The following ATP11A variants were observed in gnomAD, a reference collection of about 807,000 sequenced individuals.
ATP11A encodes ATPase phospholipid transporting 11A.
Under a neutral mutation model 154.4 loss-of-function variants are expected in ATP11A, and 81 were observed. That is an observed-to-expected ratio of 0.52 (90% CI 0.44 to 0.63). The LOEUF (loss-of-function observed/expected upper bound fraction) is 0.63. Among genes scored for constraint, ATP11A ranks in the 30% least tolerant of loss-of-function variants. The pLI is 0.00. For synonymous variants in ATP11A, 623 were observed against 585.9 expected (o/e 1.06, Z -0.91); for missense variants, 1,316 against 1,474.3 (o/e 0.89, Z 1.76).
chr13:112,832,940 CA>C lies in ATP11A; in HGVS notation c.1477del (p.Arg493GlyfsTer34). 6.2e-7 allele frequency: 1 copy of C among 1,614,036 alleles called. No homozygotes were observed. Among genetic ancestry groups the C allele is most frequent in the Non-Finnish European group, 8.5e-7 (1 of 1,179,966 alleles). ...AAGACGATGACAGCGTAGACGGCCC[CA>C]GGAAATCGCCGGACGGGGGGAAATC... The part of the protein sequence containing the change: ...VKDDDSVDGP[R>X]KSPDGGKSCV... On this transcript the variant is annotated frameshift_variant, in exon 14 of 30. Coordinates refer to ENST00000375645, the MANE Select transcript of ATP11A (RefSeq NM_015205.3). LOFTEE classifies it high-confidence loss of function.
rs967171716 is a variant in ATP11A, at chr13:112,807,940, T to C, written c.333+1647T>C. Among the ~76,000 whole-genome samples, 5 of 152,104 alleles carry C rather than the reference T, an allele frequency of 3.3e-5. No homozygotes were observed. Among genetic ancestry groups the C allele is most frequent in the African/African-American group, 7.2e-5 (3 of 41,418 alleles). ...GGCGTAGCACTGTTCTTCAGCGTCC[T>C]CTTCTCTGCATTTGTTAAGGATTCC... On this transcript the variant is annotated intron_variant, in intron 4 of 29. Coordinates refer to ENST00000375645, the MANE Select transcript of ATP11A (RefSeq NM_015205.3). This position sits in a 1 kb window ranked among gnomAD's most constrained non-coding sequence, Gnocchi z 4.5.
intron 1 of ATP11A, among the ~76,000 whole-genome samples, chr13:112,751,261 G>A (rs1422058722): frequency 6.6e-5 from 10 of 152,288 alleles, no homozygotes; most frequent in East Asian, 5.8e-4. Context: ...AATTGCCACC[G>A]TACGTTTTTC....
intron 20 of ATP11A, chr13:112,856,409 A>G (rs72660059): frequency 0.042 from 8,081 of 193,514 alleles, 249 homozygotes; most frequent in Admixed American, 0.068. Context: ...GGTGTAAGGG[A>G]AGGGAGCTGA....
intron 1 of ATP11A, among the ~76,000 whole-genome samples, chr13:112,719,118 G>A (rs946381276): frequency 3.3e-5 from 5 of 152,136 alleles, no homozygotes; most frequent in Non-Finnish European, 4.4e-5. Context: ...ATGCCATCTT[G>A]GTGAACAGTT....
In ATP11A at chr13:112,785,225, A is replaced by G; in HGVS notation, c.130A>G (p.Arg44Gly). The G allele has an allele frequency of 1.3e-6, 2 of 1,563,822 alleles. No homozygotes were observed. The highest frequency in any genetic ancestry group is 1.2e-5 in the South Asian group (1 of 84,258). The change falls in exon 2 of 30, where the codon AGA becomes GGA. Residue 44 changes from arginine to glycine, a missense_variant. Coordinates refer to ENST00000375645, the MANE Select transcript of ATP11A (RefSeq NM_015205.3). This position sits in a 1 kb window ranked among gnomAD's most constrained non-coding sequence, Gnocchi z 4.8. Reference protein sequence around the residue: ...PPGAEAYIPQRYPDNRIVSSK... With the variant: ...PPGAEAYIPQGYPDNRIVSSK... ...GGGCGCAGAGGCCTACATCCCACAG[A>G]GATACCCAGACAACAGGATCGTCTC...
chr13:112,788,598 T>G (rs1184351219), intron 2 of ATP11A, among the ~76,000 whole-genome samples: 1 of 150,736 alleles, frequency 6.6e-6, no homozygotes, highest in Non-Finnish European at 1.5e-5. Flanking sequence ...TGTAGACCCC[T>G]GCGGAGACCT....
At chr13:112,707,833 G>T in intron 1 of ATP11A, among the ~76,000 whole-genome samples, 1 of 152,182 alleles carries the variant, frequency 6.6e-6, no homozygotes, top group South Asian at 2.1e-4. Flanking sequence ...ACTTCCCAAA[G>T]CCAAACTTGC....
chr13:112,735,353 GC>G (rs1411135370), intron 1 of ATP11A, among the ~76,000 whole-genome samples: 2 of 152,194 alleles, frequency 1.3e-5, no homozygotes, highest in Non-Finnish European at 2.9e-5. Context: ...CAGCGATATA[GC>G]CTTCCGCGTG....
rs922922331 is a variant in ATP11A, at chr13:112,776,121, C to T, written c.40-9014C>T. On this transcript the variant is annotated intron_variant, in intron 1 of 29. Transcript: ENST00000375645. ...TGCTGCTGCTTGTTCCAGTGGCTGT[C>T]GTTTGTTTCCACGGGGATTCATGTT... is the stretch of plus-strand genomic sequence containing the variant. Among the ~76,000 whole-genome samples the T allele has an allele frequency of 6.6e-5, 10 of 152,292 alleles. No individual in the cohort carries two copies. In the East Asian group the frequency reaches 1.7e-3, roughly 26 times the overall value.
chr13:112,735,862 C>T (rs1890946437), intron 1 of ATP11A, among the ~76,000 whole-genome samples: 1 of 152,230 alleles, frequency 6.6e-6, no homozygotes, highest in Admixed American at 6.5e-5. Context: ...TAAGGAGCAC[C>T]TGACTTTTCC....
In ATP11A at chr13:112,697,242, G is replaced by A. The variant is rs1885976047; in HGVS notation, c.39+6787G>A. Reference sequence around the variant, plus strand: ...CCAGGGCCACGGTGGGCTCCTAGTGGCCTTTCTTCCCTCTCCATCAACATC... The same window carrying A: ...CCAGGGCCACGGTGGGCTCCTAGTGACCTTTCTTCCCTCTCCATCAACATC... On this transcript the variant is annotated intron_variant, in intron 1 of 29. Coordinates refer to ENST00000375645, the MANE Select transcript of ATP11A (RefSeq NM_015205.3). This position sits in a 1 kb window ranked among gnomAD's most constrained non-coding sequence, Gnocchi z 4.0. Among the ~76,000 whole-genome samples the A allele has an allele frequency of 6.6e-6, 1 of 152,156 alleles. No homozygotes were observed. The highest frequency in any genetic ancestry group is 1.5e-5 in the Non-Finnish European group (1 of 68,028).
At chr13:112,879,657 G>A (rs935891359) in intron 29 of ATP11A, among the ~76,000 whole-genome samples, 6 of 152,200 alleles carry the variant, frequency 3.9e-5, no homozygotes, top group Middle Eastern at 3.2e-3. Flanking sequence ...AGACAGGGCC[G>A]GCGTCCACAC....
Position 112,781,401 on chromosome 13 carries a change from C to T in ATP11A, c.40-3734C>T, listed in dbSNP as rs373902652. Among the ~76,000 whole-genome samples, 23 of 152,236 alleles carry T rather than the reference C, an allele frequency of 1.5e-4. No homozygotes were observed. In the South Asian group the frequency reaches 3.3e-3, roughly 22 times the overall value. ...GTATGTCTGGCCCTGGATTCAAGAC[C>T]GGTGAGGTTCAGAAGTTACACGATT... is the stretch of plus-strand genomic sequence containing the variant. On this transcript the variant is annotated intron_variant, in intron 1 of 29. Coordinates refer to ENST00000375645, the MANE Select transcript of ATP11A (RefSeq NM_015205.3).
At position 112,859,267 on chromosome 13, in the gene ATP11A, G is replaced by A; in HGVS notation, c.2668-126G>A. The A allele has an allele frequency of 1.3e-6, 1 of 780,618 alleles. No individual in the cohort carries two copies. Among genetic ancestry groups the A allele is most frequent in the East Asian group, 2.4e-5 (1 of 40,986 alleles). The allele number at this position is 780,618 out of a possible 1,614,324, so 48.4% of individuals were successfully genotyped here. ...AGAGAAAGCTTTCTAGAACCCATTA[G>A]TGCTGTTCTGCCGCACGCTGGGTGC... On this transcript the variant is annotated intron_variant, in intron 22 of 29. Coordinates refer to ENST00000375645, the MANE Select transcript of ATP11A (RefSeq NM_015205.3). The surrounding 1 kb of genome is among the most constrained non-coding windows in gnomAD (Gnocchi z 4.3).
intron 1 of ATP11A, among the ~76,000 whole-genome samples, chr13:112,719,670 G>C (rs1403780572): frequency 1.0e-5 from 1 of 96,442 alleles, no homozygotes; most frequent in African/African-American, 3.3e-5. Flanking sequence ...GGTTACTTCA[G>C]GTTACTTCTT....
intron 5 of ATP11A, among the ~76,000 whole-genome samples, chr13:112,811,053 CTTTTT>C (rs112079556): frequency 7.2e-6 from 1 of 139,590 alleles, no homozygotes; most frequent in Non-Finnish European, 1.6e-5. Context: ...CTCCCTACTT[CTTTTT>C]TTTTTTTTTA....
At chr13:112,798,826 A>G (rs2078063883) in intron 2 of ATP11A, among the ~76,000 whole-genome samples, 1 of 152,258 alleles carries the variant, frequency 6.6e-6, no homozygotes. Context: ...ATCCAGCTAT[A>G]TTAATAATCA....
intron 25 of ATP11A, among the ~76,000 whole-genome samples, chr13:112,869,401 C>T (rs2080440256): frequency 6.6e-6 from 1 of 152,188 alleles, no homozygotes; most frequent in Non-Finnish European, 1.5e-5. Flanking sequence ...CCCCTAAACC[C>T]AGGGAGCCCC....
At chr13:112,704,926 G>C (rs1301553750) in intron 1 of ATP11A, among the ~76,000 whole-genome samples, 2 of 152,198 alleles carry the variant, frequency 1.3e-5, no homozygotes, top group Non-Finnish European at 2.9e-5. Context: ...AGACCTCAGC[G>C]GGACCCCTGG....
Sources: allele counts gnomAD v4.1 joint callset (sites outside exome capture counted in the v4.1 genomes callset), GRCh38; gene constraint gnomAD v4.1.1; non-coding constraint Gnocchi (gnomAD v3.1); transcripts MANE v1.5; gene names NCBI Gene and HGNC (gene_info 2026-07-23, HGNC 2026-07-21).